ARHGAP15: variants seen among roughly 807,000 people sequenced by gnomAD.
ARHGAP15 encodes the protein rho GTPase-activating protein 15.
ARHGAP15 carries 51 observed loss-of-function variants against 63.7 expected under a neutral mutation model. That is an observed-to-expected ratio of 0.80 (90% CI 0.64 to 1.01). The LOEUF is 1.01. Among genes scored for constraint, ARHGAP15 ranks in the 50% least tolerant of loss-of-function variants. The pLI is 0.00. For synonymous variants in ARHGAP15, 191 were observed against 193.8 expected (o/e 0.99, Z 0.12); for missense variants, 560 against 564.6 (o/e 0.99, Z 0.08).
intron 6 of ARHGAP15, among the ~76,000 whole-genome samples, chr2:143,333,664 C>G (rs1490928979): frequency 6.6e-6 from 1 of 152,142 alleles, no homozygotes; most frequent in Admixed American, 6.6e-5. Flanking sequence ...GGGGCTTCTA[C>G]TTCAATAATT....
intron 6 of ARHGAP15, chr2:143,350,911 T>C (rs1685539774): frequency 7.0e-6 from 1 of 143,408 alleles, no homozygotes; most frequent in Non-Finnish European, 1.5e-5. Flanking sequence ...AAATAGGAAA[T>C]ATTCAGCCAA....
intron 12 of ARHGAP15, among the ~76,000 whole-genome samples, chr2:143,661,563 G>A (rs187554205): frequency 4.5e-4 from 68 of 152,194 alleles, no homozygotes; most frequent in Middle Eastern, 3.4e-3. Context: ...ATAAGTGCTC[G>A]GGAGGAGCCA....
At chr2:143,229,451 A>G (rs1194611548) in intron 5 of ARHGAP15, among the ~76,000 whole-genome samples, 1 of 152,194 alleles carries the variant, frequency 6.6e-6, no homozygotes, top group Admixed American at 6.5e-5. Context: ...TGACAGTGAT[A>G]ATAAGTAAGA....
chr2:143,540,889 C>G (rs1574604892), intron 10 of ARHGAP15, among the ~76,000 whole-genome samples: 1 of 152,164 alleles, frequency 6.6e-6, no homozygotes, highest in East Asian at 1.9e-4. Context: ...ATCTTTGTGG[C>G]ATTCTCTGTA....
intron 13 of ARHGAP15, among the ~76,000 whole-genome samples, chr2:143,732,211 A>G (rs1685566983): frequency 6.6e-6 from 1 of 152,202 alleles, no homozygotes; most frequent in Admixed American, 6.5e-5. Context: ...TCACAAGTTA[A>G]CAGTAAAAAT....
chr2:143,221,080 A>G (rs1692978186), intron 4 of ARHGAP15, among the ~76,000 whole-genome samples: 2 of 152,272 alleles, frequency 1.3e-5, no homozygotes, highest in Admixed American at 6.5e-5. Context: ...CTAGTGAGCA[A>G]AAATGGTCCT....
intron 6 of ARHGAP15, among the ~76,000 whole-genome samples, chr2:143,412,195 A>T (rs1249515238): frequency 6.6e-6 from 1 of 152,180 alleles, no homozygotes; most frequent in Admixed American, 6.5e-5. Context: ...CAGGTGGAAC[A>T]GTTCGGAAGC....
At chr2:143,602,471 TTTG>T (rs991644570) in intron 11 of ARHGAP15, among the ~76,000 whole-genome samples, 4 of 152,074 alleles carry the variant, frequency 2.6e-5, no homozygotes, top group Non-Finnish European at 4.4e-5. Context: ...GGAACAGATT[TTTG>T]TTGTTGTTGT....
chr2:143,505,807 A>G (rs1020598888), intron 9 of ARHGAP15, among the ~76,000 whole-genome samples: 1 of 152,204 alleles, frequency 6.6e-6, no homozygotes, highest in Non-Finnish European at 1.5e-5. Flanking sequence ...GCTGAGGACT[A>G]AAGAATGCCT....
Position 143,372,446 on chromosome 2 carries a change from G to A in ARHGAP15, c.475-63155G>A, listed in dbSNP as rs186947164. 5.4e-4 allele frequency among the ~76,000 whole-genome samples: 81 copies of A among 150,802 alleles called. 1 individual carries two copies. The highest frequency in any genetic ancestry group is 1.9e-3 in the African/African-American group (78 of 41,068). On this transcript the variant is annotated intron_variant, in intron 6 of 13. Transcript: ENST00000295095. ...TTAATCTACTCATGTACATGTGACT[G>A]TGCTTATATAAATTTGAATTTTAAA...
chr2:143,465,626 T>C (rs1293071569), intron 8 of ARHGAP15, among the ~76,000 whole-genome samples: 1 of 152,136 alleles, frequency 6.6e-6, no homozygotes, highest in Non-Finnish European at 1.5e-5. Context: ...AATGCTAATA[T>C]ATACATGCAT....
At chr2:143,309,933 ATAT>A (rs927926617) in intron 6 of ARHGAP15, among the ~76,000 whole-genome samples, 3 of 151,912 alleles carry the variant, frequency 2.0e-5, no homozygotes, top group African/African-American at 7.2e-5. Flanking sequence ...GCTTTGTTGC[ATAT>A]TATTTGCTTT....
chr2:143,663,195 C>T (rs1479613088), intron 12 of ARHGAP15, among the ~76,000 whole-genome samples: 4 of 133,318 alleles, frequency 3.0e-5, no homozygotes, highest in African/African-American at 1.1e-4. Context: ...AAGGGAAGCC[C>T]ATCAGACTAA....
At chr2:143,518,642 C>A (rs903573983) in intron 9 of ARHGAP15, among the ~76,000 whole-genome samples, 2 of 152,074 alleles carry the variant, frequency 1.3e-5, no homozygotes, top group African/African-American at 4.8e-5. Flanking sequence ...TCTGGTATTC[C>A]AAAGAACCTG....
At chr2:143,359,339 A>T (rs757152061) in intron 6 of ARHGAP15, among the ~76,000 whole-genome samples, 1 of 152,168 alleles carries the variant, frequency 6.6e-6, no homozygotes, top group Non-Finnish European at 1.5e-5. Flanking sequence ...AATGCTACCA[A>T]TACCCTATTT....
At chr2:143,635,148 A>AT (rs1234866731) in intron 12 of ARHGAP15, among the ~76,000 whole-genome samples, 2 of 67,410 alleles carry the variant, frequency 3.0e-5, no homozygotes, top group African/African-American at 1.2e-4. Flanking sequence ...TAGACTTTTT[A>AT]TTTTTTAATT....
chr2:143,470,699 G>GTA (rs71404473), intron 8 of ARHGAP15, among the ~76,000 whole-genome samples: 30,610 of 147,756 alleles, frequency 0.21, 3,623 homozygotes, highest in East Asian at 0.49. Context: ...GTATATATGT[G>GTA]TATATATATG....
At chr2:143,196,920 G>T (rs1056181859) in intron 2 of ARHGAP15, among the ~76,000 whole-genome samples, 1 of 151,856 alleles carries the variant, frequency 6.6e-6, no homozygotes, top group Admixed American at 6.6e-5. Context: ...AAATAAAGTT[G>T]TATCAAGCTA....
At chr2:143,279,352 C>T (rs746721329) in intron 6 of ARHGAP15, among the ~76,000 whole-genome samples, 2 of 152,098 alleles carry the variant, frequency 1.3e-5, no homozygotes, top group Non-Finnish European at 2.9e-5. Flanking sequence ...AAGTACATTC[C>T]TGAGTTTCAC....
Sources: allele counts gnomAD v4.1 joint callset (sites outside exome capture counted in the v4.1 genomes callset), GRCh38; gene constraint gnomAD v4.1.1; transcripts MANE v1.5; gene names NCBI Gene and HGNC (gene_info 2026-07-23, HGNC 2026-07-21).